LRRC3B: variants seen among roughly 807,000 people sequenced by gnomAD.
The protein encoded by LRRC3B is leucine-rich repeat-containing protein 3B.
Under a neutral mutation model 12.8 loss-of-function variants are expected in LRRC3B, and 2 were observed. The ratio of observed to expected loss-of-function variants is 0.16; its 90% CI spans 0.06 to 0.49. The LOEUF (loss-of-function observed/expected upper bound fraction) is 0.49, where lower values mean the gene tolerates loss of function less well. Among genes scored for constraint, LRRC3B ranks in the 20% least tolerant of loss-of-function variants. The probability of loss-of-function intolerance (pLI) is 0.96; values close to 1 mark genes in which losing one functional copy is unlikely to be tolerated. For missense variants in LRRC3B, 189 were observed against 319.4 expected, an observed-to-expected ratio of 0.59 and a Z score of 3.11; for synonymous variants, 132 against 122.0, an observed-to-expected ratio of 1.08 and a Z score of -0.54.
chr3:26,671,348 G>A (rs6799712), intron 1 of LRRC3B, among the ~76,000 whole-genome samples: 24,012 of 64,962 alleles, frequency 0.37, 5,279 homozygotes, highest in African/African-American at 0.68. Context: ...GTATATATGT[G>A]TGTATATATA....
chr3:26,673,152 T>A (rs1348012373), intron 1 of LRRC3B, among the ~76,000 whole-genome samples: 1 of 152,186 alleles, frequency 6.6e-6, no homozygotes, highest in African/African-American at 2.4e-5. Flanking sequence ...TGCATAAATA[T>A]AAAATCAAGA....
chr3:26,684,666 T>A (rs1456090476), intron 1 of LRRC3B, among the ~76,000 whole-genome samples: 5 of 152,222 alleles, frequency 3.3e-5, no homozygotes, highest in Non-Finnish European at 7.3e-5. Flanking sequence ...CCTTTTTTAA[T>A]GGCATTAATC....
At chr3:26,637,021 C>G (rs958831163) in intron 1 of LRRC3B, among the ~76,000 whole-genome samples, 3 of 124,122 alleles carry the variant, frequency 2.4e-5, no homozygotes, top group Non-Finnish European at 5.4e-5. Flanking sequence ...TCTTTTGAGA[C>G]GGAGTCTAAC....
intron 1 of LRRC3B, among the ~76,000 whole-genome samples, chr3:26,692,284 A>C (rs765563361): frequency 1.3e-5 from 2 of 152,204 alleles, no homozygotes; most frequent in African/African-American, 2.4e-5. Context: ...TTAGACTCAG[A>C]TAGTCTGACT....
intron 1 of LRRC3B, among the ~76,000 whole-genome samples, chr3:26,652,763 C>T (rs559932367): frequency 2.9e-4 from 44 of 151,860 alleles, no homozygotes; most frequent in African/African-American, 1.0e-3. Context: ...TTAAAAAGTA[C>T]ATAATTTTTT....
intron 1 of LRRC3B, among the ~76,000 whole-genome samples, chr3:26,659,425 A>T (rs1251516639): frequency 6.6e-6 from 1 of 152,210 alleles, no homozygotes; most frequent in Non-Finnish European, 1.5e-5. Context: ...TGGGCCTAAG[A>T]TGCCCTGGCA....
chr3:26,648,813 C>T (rs768243785), intron 1 of LRRC3B, among the ~76,000 whole-genome samples: 4 of 152,246 alleles, frequency 2.6e-5, no homozygotes, highest in East Asian at 1.9e-4. Flanking sequence ...GTTGCAACAC[C>T]GAACTTGTAA....
chr3:26,654,483 G>A (rs1207398223), intron 1 of LRRC3B, among the ~76,000 whole-genome samples: 2 of 152,144 alleles, frequency 1.3e-5, no homozygotes, highest in Non-Finnish European at 2.9e-5. Flanking sequence ...ATAAAACAAG[G>A]CCTGGTATGA....
intron 1 of LRRC3B, among the ~76,000 whole-genome samples, chr3:26,678,007 A>G (rs1264094746): frequency 6.6e-6 from 1 of 151,920 alleles, no homozygotes; most frequent in Admixed American, 6.6e-5. Context: ...TGTAGAGACG[A>G]GATCTCGCCA....
chr3:26,671,346 GTGTGTATATA>G lies in LRRC3B; in HGVS notation c.-160-38165_-160-38156del, dbSNP rs1287722062. Among the ~76,000 whole-genome samples the G allele has an allele frequency of 9.2e-4, 52 of 56,352 alleles. 1 individual carries two copies. The highest frequency in any genetic ancestry group is 4.1e-3 in the East Asian group (5 of 1,226). 37.0% of individuals were successfully genotyped at this position (56,352 alleles called of 152,430 possible). A position where few individuals can be genotyped will look rare whatever the true frequency, so the allele number is the denominator to read the frequency against. On this transcript the variant is annotated intron_variant, in intron 1 of 1. Coordinates refer to ENST00000396641, the Ensembl canonical transcript of LRRC3B. ...ATCTTATAAATGTGTGTGTATATAT[GTGTGTATATA>G]TATATATATATATATATAGAGAGAG...
At chr3:26,659,242 G>A (rs1336144039) in intron 1 of LRRC3B, among the ~76,000 whole-genome samples, 2 of 152,162 alleles carry the variant, frequency 1.3e-5, no homozygotes, top group East Asian at 1.9e-4. Flanking sequence ...GGTTAAGTAC[G>A]TTCCCTAAAT....
At chr3:26,705,445 G>A (rs1700563721) in intron 1 of LRRC3B, among the ~76,000 whole-genome samples, 1 of 151,928 alleles carries the variant, frequency 6.6e-6, no homozygotes, top group Non-Finnish European at 1.5e-5. Flanking sequence ...GGAGTTAGGA[G>A]GGAGGAAAGA....
At chr3:26,639,496 T>TTTAAA (rs5847411) in intron 1 of LRRC3B, among the ~76,000 whole-genome samples, 99,989 of 140,492 alleles carry the variant, frequency 0.71, 34,405 homozygotes, top group Admixed American at 0.77. Context: ...TTAAATTAAA[T>TTTAAA]TTAAATTAAA....
intron 1 of LRRC3B, among the ~76,000 whole-genome samples, chr3:26,672,920 CTT>C (rs1699780685): frequency 6.6e-6 from 1 of 152,194 alleles, no homozygotes; most frequent in African/African-American, 2.4e-5. Flanking sequence ...TACAGAATGA[CTT>C]TGAGAGAACA....
At chr3:26,677,067 C>T (rs980573863) in intron 1 of LRRC3B, among the ~76,000 whole-genome samples, 7 of 152,094 alleles carry the variant, frequency 4.6e-5, no homozygotes, top group Admixed American at 1.3e-4. Flanking sequence ...ATTCTAGCTC[C>T]ATCAGTCATG....
chr3:26,685,537 A>C (rs1403131833), intron 1 of LRRC3B, among the ~76,000 whole-genome samples: 4,308 of 110,410 alleles, frequency 0.039, 72 homozygotes, highest in Non-Finnish European at 0.063. Flanking sequence ...ATATATATAT[A>C]TATATATATA....
At chr3:26,632,332 A>G (rs941651313) in intron 1 of LRRC3B, among the ~76,000 whole-genome samples, 1 of 152,190 alleles carries the variant, frequency 6.6e-6, no homozygotes, top group Non-Finnish European at 1.5e-5. Context: ...CTGCTTGCAT[A>G]TAAGAGGATT....
intron 1 of LRRC3B, among the ~76,000 whole-genome samples, chr3:26,660,714 A>G (rs1225596554): frequency 6.6e-6 from 1 of 152,134 alleles, no homozygotes; most frequent in Non-Finnish European, 1.5e-5. Context: ...TATATTACTG[A>G]TGTAAAAAAA....
chr3:26,635,247 G>A (rs904119374), intron 1 of LRRC3B, among the ~76,000 whole-genome samples: 2 of 152,108 alleles, frequency 1.3e-5, no homozygotes, highest in South Asian at 2.1e-4. Context: ...CACTGCAGGA[G>A]TCCCAGAGGA....
Sources: allele counts gnomAD v4.1 joint callset (sites outside exome capture counted in the v4.1 genomes callset), GRCh38; gene constraint gnomAD v4.1.1; transcripts MANE v1.5; gene names NCBI Gene and HGNC (gene_info 2026-07-23, HGNC 2026-07-21).